The following PLEC variants were observed in gnomAD, a reference collection of about 807,000 sequenced individuals.
PLEC encodes plectin, also known as hemidesmosomal protein 1.
A neutral mutation model predicts 392.8 loss-of-function variants in PLEC; 216 were observed. That is an observed-to-expected ratio of 0.55 (90% CI 0.49 to 0.62). PLEC has a LOEUF of 0.62. Among genes scored for constraint, PLEC ranks in the 20% least tolerant of loss-of-function variants. The pLI, the probability that PLEC is intolerant of heterozygous loss-of-function variation, is 0.00. For synonymous variants in PLEC, 3,621 were observed against 2,980.6 expected, an observed-to-expected ratio of 1.21 and a Z score of -7.00; for missense variants, 6,863 against 6,563.4, an observed-to-expected ratio of 1.05 and a Z score of -1.58.
At position 143,915,995 on chromosome 8, in the gene PLEC, C is replaced by T. The variant is rs1820386834; in HGVS notation, c.*182G>A. Reference sequence around the variant, plus strand: ...AGGCGGCCAGCAGGGCTGGGCCAGCCCTGTCCCCCAAGATACAGGCTGTCT... The same window carrying T: ...AGGCGGCCAGCAGGGCTGGGCCAGCTCTGTCCCCCAAGATACAGGCTGTCT... On this transcript the variant is annotated 3_prime_UTR_variant, in exon 32 of 32. Coordinates refer to ENST00000345136, the MANE Select transcript of PLEC (RefSeq NM_201384.3). The T allele has an allele frequency of 3.9e-6, 2 of 508,908 alleles. No homozygotes were observed. The highest frequency in any genetic ancestry group is 6.8e-6 in the Non-Finnish European group (2 of 293,338). 31.5% of individuals were successfully genotyped at this position (508,908 alleles called of 1,614,324 possible).
chr8:143,946,496 G>A, intron 1 of PLEC: 1 of 848,016 alleles, frequency 1.2e-6, no homozygotes, highest in Non-Finnish European at 1.7e-6. Flanking sequence ...TCATGCCCTG[G>A]TAGCAGCGGC....
rs1554704563 is a variant in PLEC, at chr8:143,925,903, G to T, written c.4045-19C>A. On this transcript the variant is annotated intron_variant, in intron 30 of 31. Coordinates refer to ENST00000345136, the MANE Select transcript of PLEC (RefSeq NM_201384.3). ...CCAGCCTCTGTGGCCACAGCAGAGA[G>T]AAGAAGAGAAGCAGAGAGAGTGTGA... The T allele has an allele frequency of 6.5e-7, 1 of 1,536,482 alleles. No individual in the cohort carries two copies. Among genetic ancestry groups the T allele is most frequent in the Admixed American group, 2.0e-5 (1 of 51,248 alleles).
In PLEC at chr8:143,923,540, T is replaced by C. The variant is rs1823698106; in HGVS notation, c.6389A>G (p.Gln2130Arg). ...CAGCTTCTCTGCAGCCGCCTGTGCC[T>C]GAGCCCGGGCCTGTGCCTGCTCCTC... ...SAEEQAQARA[Q>R]AQAAAEKLRK... The change falls in exon 31 of 32, where the codon CAG (glutamine) becomes CGG (arginine). Residue 2130 changes from glutamine (Q) to arginine (R), a missense_variant. Transcript: ENST00000345136. The C allele has an allele frequency of 1.9e-6, 3 of 1,598,496 alleles. No homozygotes were observed. The highest frequency in any genetic ancestry group is 2.5e-6 in the Non-Finnish European group (3 of 1,178,188).
rs1480576730 is a variant in PLEC at position 143,922,786 on chromosome 8, C to G, written c.7143G>C (p.Glu2381Asp). The part of the protein sequence containing the change: ...ERQRQLEMSA[E>D]AERLKLRVAE... Reference sequence around the variant, plus strand: ...CCACACGCAGCTTGAGGCGCTCAGCCTCAGCGCTCATCTCCAGCTGCCGCT... The same window carrying G: ...CCACACGCAGCTTGAGGCGCTCAGCGTCAGCGCTCATCTCCAGCTGCCGCT... Residue 2381 changes from glutamate to aspartate, a missense_variant, in exon 31 of 32, where the codon GAG becomes GAC. Transcript: ENST00000345136. The G allele has an allele frequency of 1.2e-5, 19 of 1,598,196 alleles. No homozygotes were observed. The highest frequency in any genetic ancestry group is 1.6e-5 in the Non-Finnish European group (19 of 1,175,382).
rs1833317302 is a variant in PLEC, at chr8:143,969,708, A to AG, written c.70+3694dup. ...GTCCTGGGGGTCAGGGCATGAGTGCAGGCCGGGGAGTGGGGAGTGGGGCCA... is the reference window on the plus strand; with the variant it reads ...GTCCTGGGGGTCAGGGCATGAGTGCAGGGCCGGGGAGTGGGGAGTGGGGCCA... On this transcript the variant is annotated intron_variant, in intron 1 of 31. Coordinates refer to the PLEC transcript ENST00000356346. This position sits in a 1 kb window ranked among gnomAD's most constrained non-coding sequence, Gnocchi z 5.1. 6.6e-6 allele frequency among the ~76,000 whole-genome samples: 1 copy of AG among 151,696 alleles called. No individual in the cohort carries two copies. The highest frequency in any genetic ancestry group is 2.4e-5 in the African/African-American group (1 of 41,226).
intron 1 of PLEC, chr8:143,946,596 T>C: frequency 3.0e-6 from 1 of 334,102 alleles, no homozygotes; most frequent in Non-Finnish European, 5.9e-6. Flanking sequence ...TGCCTGGGGG[T>C]GCAGGGGACT....
chr8:143,972,999 G>A (rs782283426), intron 1 of PLEC, among the ~76,000 whole-genome samples: 1 of 152,206 alleles, frequency 6.6e-6, no homozygotes, highest in African/African-American at 2.4e-5. Flanking sequence ...GCAACTATGT[G>A]ACCCATTGCC....
chr8:143,958,858 A>G (rs1425066753), upstream of PLEC: 2 of 242,618 alleles, frequency 8.2e-6, no homozygotes, highest in Non-Finnish European at 1.8e-5. The surrounding 1 kb of genome is among the most constrained non-coding windows in gnomAD (Gnocchi z 4.9). Flanking sequence ...AGGTGTCACC[A>G]CAGGAAACAT....
upstream of PLEC, chr8:143,944,510 G>A: frequency 2.0e-6 from 1 of 492,284 alleles, no homozygotes; most frequent in South Asian, 5.0e-5. Flanking sequence ...GAGGGGGTCT[G>A]GGTGAGGGCA....
intron 12 of PLEC, 28 bp downstream of exon 12, chr8:143,933,970 G>T (rs535284871): frequency 1.6e-5 from 19 of 1,173,704 alleles, no homozygotes; most frequent in Non-Finnish European, 2.3e-5. Context: ...CCTCCCTCCC[G>T]CCCACTGCCT....
upstream of PLEC, among the ~76,000 whole-genome samples, chr8:143,974,788 G>A (rs1359133315): frequency 6.6e-6 from 1 of 152,226 alleles, no homozygotes; most frequent in African/African-American, 2.4e-5. The surrounding 1 kb of genome is among the most constrained non-coding windows in gnomAD (Gnocchi z 5.9). Context: ...GGCTCAGGAA[G>A]AGGCTGGGGC....
upstream of PLEC, chr8:143,943,816 G>A: frequency 8.7e-6 from 14 of 1,612,380 alleles, no homozygotes; most frequent in East Asian, 2.2e-5. Context: ...CCCTGCGCCA[G>A]TGCCACACAG....
chr8:143,957,213 C>T (rs1210560015), upstream of PLEC, among the ~76,000 whole-genome samples: 1 of 152,178 alleles, frequency 6.6e-6, no homozygotes, highest in Admixed American at 6.5e-5. Context: ...GCCCTGGTGA[C>T]GCAGCTCTGG....
Position 143,921,250 on chromosome 8 carries a change from G to A in PLEC, c.8571C>T (p.Asn2857=), listed in dbSNP as rs1822564320. 1 of 1,614,144 alleles carries A rather than the reference G, an allele frequency of 6.2e-7. No homozygotes were observed. The part of the protein sequence containing the change: ...SDDTKGFFDP[N]THENLTYLQL... ...GCAGGTACGTGAGGTTCTCGTGCGT[G>A]TTGGGGTCAAAGAAGCCCTTGGTGT... Residue 2857 remains asparagine (N), a synonymous_variant, in exon 32 of 32, where the codon AAC becomes AAT. Transcript: ENST00000345136.
Position 143,930,069 on chromosome 8 carries a change from G to A in PLEC, c.2613-7C>T, listed in dbSNP as rs11990994. 1.9e-6 allele frequency: 3 copies of A among 1,609,706 alleles called. No homozygotes were observed. The highest frequency in any genetic ancestry group is 2.5e-6 in the Non-Finnish European group (3 of 1,179,738). The stretch of plus-strand genomic sequence containing the variant: ...CTGGTGCTGGGCCTCCAGCCTGGCA[G>A]GTCAGGGCTACAGTCAGCGTCACCA... On this transcript the variant is annotated splice_polypyrimidine_tract_variant and splice_region_variant and intron_variant, in intron 21 of 31. Transcript: ENST00000345136.
In PLEC at chr8:143,934,182, C is replaced by T. The variant is rs568424450; in HGVS notation, c.1170-91G>A. ...CAGCTCGCCTCCCGCTCCGGTCTCC[C>T]TGGCTGTGGCCCACTGTCCTAAGGC... is the stretch of plus-strand genomic sequence containing the variant. On this transcript the variant is annotated intron_variant, in intron 11 of 31. Transcript: ENST00000345136. 206 of 1,587,222 alleles carry T rather than the reference C, an allele frequency of 1.3e-4. No homozygotes were observed. In the East Asian group the frequency reaches 4.0e-3, roughly 31 times the overall value.
In PLEC at chr8:143,919,716, CCTT is replaced by C. The variant is rs782549522; in HGVS notation, c.10102_10104del (p.Lys3368del). 1 of 1,606,108 alleles carries C rather than the reference CCTT, an allele frequency of 6.2e-7. No homozygotes were observed. The highest frequency in any genetic ancestry group is 2.2e-5 in the East Asian group (1 of 44,748). On this transcript the variant is annotated inframe_deletion, in exon 32 of 32. Transcript: ENST00000345136. Reference sequence around the variant, plus strand: ...CGGCGCATGGCCTCGTAGATGGACACCTTCTCCTTGGTGTCCTCCAGGTAGATG... The same window carrying C: ...CGGCGCATGGCCTCGTAGATGGACACCTCCTTGGTGTCCTCCAGGTAGATG...
chr8:143,956,565 A>G (rs1832607395), upstream of PLEC, among the ~76,000 whole-genome samples: 1 of 152,206 alleles, frequency 6.6e-6, no homozygotes, highest in African/African-American at 2.4e-5. Flanking sequence ...GACTGACTCG[A>G]AAACAAACAA....
chr8:143,930,453 G>A lies in PLEC; in HGVS notation c.2388C>T (p.Pro796=), dbSNP rs886044792. 1.9e-6 allele frequency: 3 copies of A among 1,580,400 alleles called. No individual in the cohort carries two copies. The highest frequency in any genetic ancestry group is 2.7e-5 in the African/African-American group (2 of 74,144). Reference sequence around the variant, plus strand: ...CCCGCATGGGGTGGGCTGGGTGGCGGGGCTTCAGCTGCACGACGGCCTTGG... The same window carrying A: ...CCCGCATGGGGTGGGCTGGGTGGCGAGGCTTCAGCTGCACGACGGCCTTGG... ...KRAKAVVQLK[P]RHPAHPMRGR... Residue 796 remains proline (P), a synonymous_variant, in exon 20 of 32, where the codon CCC becomes CCT. Transcript: ENST00000345136.
Sources: gnomAD v4.1 joint callset for allele counts (sites outside exome capture counted in the v4.1 genomes callset) on GRCh38, gnomAD v4.1.1 for gene constraint, Gnocchi (gnomAD v3.1) non-coding constraint, MANE v1.5 for transcripts, NCBI Gene and HGNC (gene_info 2026-07-23, HGNC 2026-07-21) for gene names.